CTNNA2: variants seen among roughly 807,000 people sequenced by gnomAD.
CTNNA2 encodes catenin alpha 2.
In CTNNA2, 42 loss-of-function variants were observed where a neutral mutation model predicts 101.0. The observed-to-expected ratio is 0.42, with a 90% CI of 0.32 to 0.54. CTNNA2 has a LOEUF of 0.54. Ranked by LOEUF, CTNNA2 falls within the 20% of genes least tolerant of loss-of-function variation. The probability of loss-of-function intolerance (pLI) is 0.14; values close to 1 mark genes in which losing one functional copy is unlikely to be tolerated. For missense variants in CTNNA2, 871 were observed against 1,223.1 expected (o/e 0.71, Z 4.29); for synonymous variants, 450 against 456.4 (o/e 0.99, Z 0.18).
At chr2:79,578,726 G>T (rs1190281551) in intron 1 of CTNNA2, among the ~76,000 whole-genome samples, 1 of 152,044 alleles carries the variant, frequency 6.6e-6, no homozygotes, top group Non-Finnish European at 1.5e-5. Flanking sequence ...TGTTTCCGGG[G>T]CCTGTTTGAC....
chr2:79,429,669 G>A (rs1183191828), intron 4 of CTNNA2, among the ~76,000 whole-genome samples: 1 of 152,142 alleles, frequency 6.6e-6, no homozygotes, highest in African/African-American at 2.4e-5. Flanking sequence ...AACCATGAAA[G>A]TGGATTTTAT....
rs182307904 is a variant in CTNNA2 at position 79,945,391 on chromosome 2, G to A, written c.1056+35594G>A. 4.8e-4 allele frequency among the ~76,000 whole-genome samples: 73 copies of A among 152,150 alleles called. No homozygotes were observed. In the Middle Eastern group the frequency reaches 0.01, roughly 21 times the overall value. ...AATCTTAAAGGTAATAATACTCCTT[G>A]TATTGGAATATATAAAATTAATTAG... On this transcript the variant is annotated intron_variant, in intron 7 of 18. Transcript: ENST00000402739.
intron 7 of CTNNA2, among the ~76,000 whole-genome samples, chr2:80,058,871 C>T (rs922266680): frequency 6.6e-6 from 1 of 152,138 alleles, no homozygotes; most frequent in Non-Finnish European, 1.5e-5. Flanking sequence ...TAAAAAAACA[C>T]TGATAAATGT....
intron 2 of CTNNA2, among the ~76,000 whole-genome samples, chr2:79,213,289 T>C (rs1189343747): frequency 6.6e-6 from 1 of 152,142 alleles, no homozygotes; most frequent in Admixed American, 6.6e-5. Context: ...CCAGCTTCCT[T>C]TGGAAGTAAA....
intron 7 of CTNNA2, among the ~76,000 whole-genome samples, chr2:79,935,827 A>T (rs1477843830): frequency 6.6e-6 from 1 of 152,138 alleles, no homozygotes; most frequent in African/African-American, 2.4e-5. Context: ...CCTTGCAGAG[A>T]TTTCCTTTTT....
intron 7 of CTNNA2, among the ~76,000 whole-genome samples, chr2:80,234,751 A>G (rs1320493085): frequency 6.6e-6 from 1 of 152,116 alleles, no homozygotes; most frequent in Admixed American, 6.6e-5. Flanking sequence ...CAGTACTGAG[A>G]AATATTATGA....
chr2:80,252,408 C>A (rs144529964), intron 7 of CTNNA2, among the ~76,000 whole-genome samples: 92 of 152,272 alleles, frequency 6.0e-4, no homozygotes, highest in Middle Eastern at 3.4e-3. Flanking sequence ...GAGGTGTTAG[C>A]TAGAATCTTT....
chr2:80,038,877 A>G (rs1322385549), intron 7 of CTNNA2, among the ~76,000 whole-genome samples: 1 of 152,132 alleles, frequency 6.6e-6, no homozygotes, highest in South Asian at 2.1e-4. Flanking sequence ...ATAAAATAAG[A>G]TAAAATGTGA....
At chr2:79,798,458 C>T (rs935407361) in intron 3 of CTNNA2, among the ~76,000 whole-genome samples, 4 of 150,570 alleles carry the variant, frequency 2.7e-5, no homozygotes, top group Non-Finnish European at 5.9e-5. Context: ...AGATTTTTAT[C>T]TTTATTTGAA....
At position 79,329,210 on chromosome 2, in the gene CTNNA2, G is replaced by A. The variant is rs376823046; in HGVS notation, c.-318+16414G>A. On this transcript the variant is annotated intron_variant, in intron 3 of 21. Transcript: ENST00000466387. ...CTGAATGTTCAGTTAAACAGTTAAG[G>A]CCTCAAATAGCAGGGCCACTGCTTC... Among the ~76,000 whole-genome samples, 88 of 152,236 alleles carry A rather than the reference G, an allele frequency of 5.8e-4. 1 individual carries two copies. The South Asian group carries it at 0.018, about 31-fold the overall frequency.
chr2:79,858,203 ACTTT>A, intron 4 of CTNNA2, 24 bp downstream of exon 4: 1 of 1,586,786 alleles, frequency 6.3e-7, no homozygotes, highest in Non-Finnish European at 8.6e-7. Flanking sequence ...ACTTATCAAA[ACTTT>A]CTTTATGTGA....
chr2:80,016,925 G>A (rs1210798980), intron 7 of CTNNA2, among the ~76,000 whole-genome samples: 2 of 152,158 alleles, frequency 1.3e-5, no homozygotes, highest in African/African-American at 4.8e-5. Context: ...ATAAATTAAG[G>A]TGAATATATG....
At chr2:79,778,310 A>C (rs1353194545) in intron 3 of CTNNA2, among the ~76,000 whole-genome samples, 1 of 151,982 alleles carries the variant, frequency 6.6e-6, no homozygotes, top group Non-Finnish European at 1.5e-5. Context: ...GCATCACTGC[A>C]CTCCAGCTTG....
chr2:79,871,561 C>T (rs1682581405), intron 5 of CTNNA2, among the ~76,000 whole-genome samples: 1 of 152,140 alleles, frequency 6.6e-6, no homozygotes, highest in Non-Finnish European at 1.5e-5. Flanking sequence ...TTCACCCTTC[C>T]TCCACCTTTT....
chr2:79,268,399 C>G (rs1675014946), intron 2 of CTNNA2, among the ~76,000 whole-genome samples: 1 of 152,090 alleles, frequency 6.6e-6, no homozygotes, highest in Non-Finnish European at 1.5e-5. Flanking sequence ...TGTGCCTCTA[C>G]CTGCATACCT....
At chr2:79,953,914 T>G (rs1332167354) in intron 7 of CTNNA2, among the ~76,000 whole-genome samples, 1 of 152,188 alleles carries the variant, frequency 6.6e-6, no homozygotes, top group Non-Finnish European at 1.5e-5. Flanking sequence ...CTCCACTTAG[T>G]TTACACTTCC....
intron 7 of CTNNA2, among the ~76,000 whole-genome samples, chr2:80,014,396 GT>G (rs11316106): frequency 0.55 from 81,715 of 147,372 alleles, 24,567 homozygotes; most frequent in East Asian, 0.71. Flanking sequence ...GATCTCTTCT[GT>G]TTTTTTTTTT....
At chr2:79,282,428 C>A (rs1320310899) in intron 2 of CTNNA2, among the ~76,000 whole-genome samples, 1 of 151,934 alleles carries the variant, frequency 6.6e-6, no homozygotes. Context: ...CTACAACAGT[C>A]CCCAGAGTGT....
intron 7 of CTNNA2, among the ~76,000 whole-genome samples, chr2:80,033,639 G>A (rs1695452133): frequency 6.6e-6 from 1 of 152,138 alleles, no homozygotes; most frequent in African/African-American, 2.4e-5. Flanking sequence ...TAGTTCTGAA[G>A]TTTATATGCA....
Sources: gnomAD v4.1 joint callset for allele counts (sites outside exome capture counted in the v4.1 genomes callset) on GRCh38, gnomAD v4.1.1 for gene constraint, MANE v1.5 for transcripts, NCBI Gene and HGNC (gene_info 2026-07-23, HGNC 2026-07-21) for gene names.